The following TANK variants were observed in gnomAD, a reference collection of about 807,000 sequenced individuals.
TANK encodes TRAF family member-associated NF-kappa-B activator.
Under a neutral mutation model 43.6 loss-of-function variants are expected in TANK, and 15 were observed. The ratio of observed to expected loss-of-function variants is 0.34; its 90% confidence interval spans 0.23 to 0.53. The LOEUF is 0.53. Ranked by LOEUF, TANK falls within the 20% of genes least tolerant of loss-of-function variation. The probability of loss-of-function intolerance (pLI) is 0.94; values close to 1 mark genes in which losing one functional copy is unlikely to be tolerated. For missense variants in TANK, 417 were observed against 498.6 expected (o/e 0.84, Z 1.56); for synonymous variants, 162 against 178.2 (o/e 0.91, Z 0.73).
At chr2:161,186,001 A>G (rs190844030) in intron 2 of TANK, among the ~76,000 whole-genome samples, 15 of 152,306 alleles carry the variant, frequency 9.8e-5, no homozygotes, top group Admixed American at 3.9e-4. Context: ...ATAAAATAAA[A>G]GCCAAAATTA....
At chr2:161,206,468 C>T (rs1278772261) in intron 4 of TANK, among the ~76,000 whole-genome samples, 5 of 152,074 alleles carry the variant, frequency 3.3e-5, no homozygotes, top group African/African-American at 7.2e-5. Flanking sequence ...ATAACTAAGA[C>T]TATCTTACTA....
At chr2:161,138,535 A>G (rs1016559292) in intron 1 of TANK, among the ~76,000 whole-genome samples, 42 of 151,764 alleles carry the variant, frequency 2.8e-4, no homozygotes, top group Non-Finnish European at 4.3e-4. Context: ...TCACTCACCC[A>G]CTCCCATCTC....
chr2:161,156,099 A>G (rs1684218993), upstream of TANK: 1 of 984,690 alleles, frequency 1.0e-6, no homozygotes. Flanking sequence ...AGCTTCTGAT[A>G]TATCTGTGGT....
At chr2:161,234,117 C>T (rs780819983) in intron 7 of TANK, among the ~76,000 whole-genome samples, 2 of 152,130 alleles carry the variant, frequency 1.3e-5, no homozygotes, top group Non-Finnish European at 2.9e-5. Context: ...TGTATATTTA[C>T]ACCAATTGTA....
At chr2:161,157,903 C>T (rs914773221), upstream of TANK, among the ~76,000 whole-genome samples, 10 of 152,054 alleles carry the variant, frequency 6.6e-5, no homozygotes, top group Non-Finnish European at 1.2e-4. Context: ...AGGCTGGTCT[C>T]AAACTCCTGA....
chr2:161,154,572 G>C (rs1684170981), intron 1 of TANK, among the ~76,000 whole-genome samples: 1 of 152,102 alleles, frequency 6.6e-6, no homozygotes, highest in Admixed American at 6.6e-5. Flanking sequence ...GAGATAGATA[G>C]TAGCAATGGG....
intron 1 of TANK, among the ~76,000 whole-genome samples, chr2:161,154,016 G>A (rs1025460821): frequency 1.3e-5 from 2 of 152,196 alleles, no homozygotes; most frequent in African/African-American, 4.8e-5. Flanking sequence ...ACTCTGCCTA[G>A]TGAGTATAAG....
intron 4 of TANK, 48 bp downstream of exon 4, chr2:161,204,841 C>A: frequency 6.3e-7 from 1 of 1,585,138 alleles, no homozygotes; most frequent in Admixed American, 1.9e-5. Context: ...TGATGCGTGA[C>A]ATAGCTTCCT....
chr2:161,171,718 A>G (rs1004099539), intron 1 of TANK, among the ~76,000 whole-genome samples: 2 of 152,188 alleles, frequency 1.3e-5, no homozygotes, highest in Non-Finnish European at 2.9e-5. Context: ...CTCTTCCTCC[A>G]TAGTGGTTTT....
chr2:161,199,182 A>G (rs1279262072), intron 2 of TANK, among the ~76,000 whole-genome samples: 2 of 152,124 alleles, frequency 1.3e-5, no homozygotes, highest in Admixed American at 6.5e-5. Flanking sequence ...CAAATCCTTT[A>G]GTAAATCTTT....
intron 4 of TANK, chr2:161,223,703 C>G (rs1687467987): frequency 5.6e-6 from 2 of 358,312 alleles, no homozygotes; most frequent in Non-Finnish European, 1.0e-5. Context: ...TTCATCTCTT[C>G]AGACTTTCCT....
intron 1 of TANK, among the ~76,000 whole-genome samples, chr2:161,149,748 T>G (rs1684020303): frequency 6.6e-6 from 1 of 151,944 alleles, no homozygotes; most frequent in South Asian, 2.1e-4. Context: ...ATGTGGGTTT[T>G]TTTTTTTTTC....
At chr2:161,225,701 G>A (rs750235691) in intron 6 of TANK, among the ~76,000 whole-genome samples, 3 of 152,146 alleles carry the variant, frequency 2.0e-5, no homozygotes, top group Non-Finnish European at 4.4e-5. Context: ...GTGATTTACA[G>A]TTTTCACTCT....
At chr2:161,216,487 T>C (rs1687122168) in intron 4 of TANK, 7 of 444,964 alleles carry the variant, frequency 1.6e-5, no homozygotes, top group Middle Eastern at 6.8e-4. Context: ...AATCTAAAAC[T>C]CTTCTTCCTA....
At chr2:161,181,789 C>T (rs1207825706) in intron 2 of TANK, among the ~76,000 whole-genome samples, 1 of 152,100 alleles carries the variant, frequency 6.6e-6, no homozygotes, top group African/African-American at 2.4e-5. Flanking sequence ...TACACAGAGG[C>T]AAACCACATC....
At chr2:161,196,281 T>A (rs1345614889) in intron 2 of TANK, among the ~76,000 whole-genome samples, 3 of 152,052 alleles carry the variant, frequency 2.0e-5, no homozygotes, top group African/African-American at 7.2e-5. Context: ...GGGGAAATCA[T>A]CAGTTTTGAA....
chr2:161,178,957 A>C (rs1685298151), intron 1 of TANK, among the ~76,000 whole-genome samples: 4 of 152,112 alleles, frequency 2.6e-5, no homozygotes, highest in Admixed American at 2.6e-4. Flanking sequence ...TGAGGTTATA[A>C]AACCAAATTA....
At chr2:161,168,163 C>G (rs1361127972) in intron 1 of TANK, among the ~76,000 whole-genome samples, 1 of 152,118 alleles carries the variant, frequency 6.6e-6, no homozygotes, top group African/African-American at 2.4e-5. Context: ...CTGTCACACA[C>G]TTACATTTCA....
chr2:161,205,677 A>T (rs1225147349), intron 4 of TANK, among the ~76,000 whole-genome samples: 2 of 152,214 alleles, frequency 1.3e-5, no homozygotes, highest in African/African-American at 4.8e-5. Context: ...GAAAAATTAA[A>T]ATATACTAAA....
Sources: gnomAD v4.1 joint callset for allele counts (sites outside exome capture counted in the v4.1 genomes callset) on GRCh38, gnomAD v4.1.1 for gene constraint, MANE v1.5 for transcripts, NCBI Gene and HGNC (gene_info 2026-07-23, HGNC 2026-07-21) for gene names.